CAMK1D: variants seen among roughly 807,000 people sequenced by gnomAD.
The protein encoded by CAMK1D is calcium/calmodulin-dependent protein kinase type 1D.
Under a neutral mutation model 47.7 loss-of-function variants are expected in CAMK1D, and 9 were observed. The ratio of observed to expected loss-of-function variants is 0.19; its 90% CI spans 0.11 to 0.33. The LOEUF is 0.33. CAMK1D is among the 10% of genes least tolerant of loss of function. The probability of loss-of-function intolerance (pLI) is 1.00; values close to 1 mark genes in which losing one functional copy is unlikely to be tolerated. For synonymous variants in CAMK1D, 184 were observed against 184.9 expected, an observed-to-expected ratio of 0.99 and a Z score of 0.04; for missense variants, 291 against 488.7, an observed-to-expected ratio of 0.60 and a Z score of 3.81.
intron 1 of CAMK1D, among the ~76,000 whole-genome samples, chr10:12,354,170 G>A (rs184524824): frequency 3.9e-5 from 6 of 152,218 alleles, no homozygotes; most frequent in Admixed American, 2.6e-4. Flanking sequence ...CTTCATCTCC[G>A]CGGGATATGA....
intron 4 of CAMK1D, 68 bp downstream of exon 4, chr10:12,761,154 T>C (rs1836490876): frequency 6.4e-7 from 1 of 1,559,676 alleles, no homozygotes; most frequent in Admixed American, 1.8e-5. Context: ...CCAAGAGGGC[T>C]GATGCCAGTG....
chr10:12,356,532 C>T (rs569571212), intron 1 of CAMK1D, among the ~76,000 whole-genome samples: 65 of 152,082 alleles, frequency 4.3e-4, no homozygotes, highest in African/African-American at 1.5e-3. Flanking sequence ...AGCAGCCTGG[C>T]CAACGTGGTG....
intron 1 of CAMK1D, among the ~76,000 whole-genome samples, chr10:12,416,172 T>C (rs1387773104): frequency 6.6e-6 from 1 of 152,148 alleles, no homozygotes; most frequent in Non-Finnish European, 1.5e-5. Flanking sequence ...TTTTAGCATC[T>C]ACATTTTTTT....
At chr10:12,675,183 T>A (rs971021643) in intron 3 of CAMK1D, among the ~76,000 whole-genome samples, 4 of 152,130 alleles carry the variant, frequency 2.6e-5, no homozygotes, top group Non-Finnish European at 4.4e-5. Context: ...GAAATATTTT[T>A]AAAAAGAAAT....
chr10:12,430,757 T>C (rs552129951), intron 1 of CAMK1D, among the ~76,000 whole-genome samples: 6 of 152,074 alleles, frequency 3.9e-5, no homozygotes, highest in East Asian at 1.9e-4. Flanking sequence ...ATGATGATGA[T>C]GATGATTTTT....
intron 1 of CAMK1D, among the ~76,000 whole-genome samples, chr10:12,522,622 C>G (rs1220639389): frequency 2.0e-5 from 3 of 152,026 alleles, no homozygotes; most frequent in South Asian, 2.1e-4. Context: ...CAGCAACCAT[C>G]TGATTGCTCA....
intron 1 of CAMK1D, among the ~76,000 whole-genome samples, chr10:12,529,941 T>G (rs1835751262): frequency 6.6e-6 from 1 of 152,190 alleles, no homozygotes. Context: ...CTGTGCTTTG[T>G]GGAGGTAAGG....
At position 12,694,211 on chromosome 10, in the gene CAMK1D, TAATATAA is replaced by T. The variant is rs1244615921; in HGVS notation, c.299+27408_299+27414del. On this transcript the variant is annotated intron_variant, in intron 3 of 10. Transcript: ENST00000619168. ...TATAATATATATTATATATTATGTA[TAATATAA>T]AATATATATTATGTATAATATATAA... 3.1e-5 allele frequency among the ~76,000 whole-genome samples: 2 copies of T among 65,190 alleles called. 1 individual carries two copies. The highest frequency in any genetic ancestry group is 1.3e-4 in the African/African-American group (2 of 15,260). The allele number at this position is 65,190 out of a possible 152,430, so 42.8% of individuals were successfully genotyped here.
At chr10:12,380,787 C>T (rs544897523) in intron 1 of CAMK1D, among the ~76,000 whole-genome samples, 9 of 152,144 alleles carry the variant, frequency 5.9e-5, no homozygotes, top group African/African-American at 1.9e-4. Flanking sequence ...ACCCATGAGG[C>T]GGAGATTGCA....
At chr10:12,463,231 G>A (rs1047402052) in intron 1 of CAMK1D, among the ~76,000 whole-genome samples, 13 of 150,110 alleles carry the variant, frequency 8.7e-5, no homozygotes, top group South Asian at 2.2e-4. Context: ...TCTGCCTCCC[G>A]TGTTCAAGTG....
chr10:12,693,565 G>A (rs577659506), intron 3 of CAMK1D, among the ~76,000 whole-genome samples: 86 of 152,014 alleles, frequency 5.7e-4, no homozygotes, highest in Middle Eastern at 3.4e-3. Flanking sequence ...CATGGGTGTC[G>A]AGGCTGCAGT....
intron 1 of CAMK1D, among the ~76,000 whole-genome samples, chr10:12,463,479 A>G (rs1026414081): frequency 3.3e-5 from 5 of 152,210 alleles, no homozygotes; most frequent in African/African-American, 1.2e-4. Context: ...AATATATCAT[A>G]GGTTGGTACT....
chr10:12,452,580 T>G (rs979217406), intron 1 of CAMK1D, among the ~76,000 whole-genome samples: 12 of 151,896 alleles, frequency 7.9e-5, no homozygotes, highest in Non-Finnish European at 1.0e-4. Flanking sequence ...AATGTAAGTT[T>G]GACCATTTTG....
At chr10:12,472,687 A>G (rs1279728515) in intron 1 of CAMK1D, among the ~76,000 whole-genome samples, 14 of 151,600 alleles carry the variant, frequency 9.2e-5, no homozygotes, top group Admixed American at 9.2e-4. Flanking sequence ...CCGCCTACCT[A>G]ATTTCTGTAT....
At chr10:12,372,078 C>T (rs1439344769) in intron 1 of CAMK1D, among the ~76,000 whole-genome samples, 1 of 152,198 alleles carries the variant, frequency 6.6e-6, no homozygotes, top group African/African-American at 2.4e-5. Flanking sequence ...CCAGTGCCAT[C>T]ACATGCTGTA....
chr10:12,464,845 C>T (rs1039995626), intron 1 of CAMK1D, among the ~76,000 whole-genome samples: 3 of 150,866 alleles, frequency 2.0e-5, no homozygotes, highest in African/African-American at 7.3e-5. Context: ...TGATCAAATT[C>T]ATCCCAAATG....
Position 12,553,403 on chromosome 10 carries a change from G to A in CAMK1D, c.224+47G>A, listed in dbSNP as rs41306818. On this transcript the variant is annotated intron_variant, in intron 2 of 10. Transcript: ENST00000619168. Reference sequence around the variant, plus strand: ...TCCTCCCTTCCCTACCTCCTGGCCCGTGTGTCCTGCAGGAGTCCTGCCCCG... The same window carrying A: ...TCCTCCCTTCCCTACCTCCTGGCCCATGTGTCCTGCAGGAGTCCTGCCCCG... 3,911 of 1,493,394 alleles carry A rather than the reference G, an allele frequency of 2.6e-3. 33 individuals are homozygous for A. In the African/African-American group the frequency reaches 0.029, roughly 11 times the overall value. 92.5% of individuals were successfully genotyped at this position (1,493,394 alleles called of 1,614,324 possible).
chr10:12,774,044 C>CAG (rs1209726638), intron 5 of CAMK1D, among the ~76,000 whole-genome samples: 2 of 139,264 alleles, frequency 1.4e-5, no homozygotes, highest in Non-Finnish European at 3.0e-5. Context: ...TATTGCCTAC[C>CAG]TTCTGTTCTG....
chr10:12,353,436 TC>T (rs1397143447), intron 1 of CAMK1D, among the ~76,000 whole-genome samples: 1 of 152,194 alleles, frequency 6.6e-6, no homozygotes, highest in Non-Finnish European at 1.5e-5. Flanking sequence ...CACTGCCTTA[TC>T]CAGGTATCTC....
Sources: gnomAD v4.1 joint callset for allele counts (sites outside exome capture counted in the v4.1 genomes callset) on GRCh38, gnomAD v4.1.1 for gene constraint, MANE v1.5 for transcripts, NCBI Gene and HGNC (gene_info 2026-07-23, HGNC 2026-07-21) for gene names.